DDR2: variants seen among roughly 807,000 people sequenced by gnomAD.
The protein encoded by DDR2 is discoidin domain receptor tyrosine kinase 2.
DDR2 carries 27 observed loss-of-function variants against 94.9 expected under a neutral mutation model. The observed-to-expected ratio is 0.28, with a 90% confidence interval of 0.21 to 0.39. The LOEUF (loss-of-function observed/expected upper bound fraction) is 0.39, where lower values mean the gene tolerates loss of function less well. Ranked by LOEUF, DDR2 falls within the 10% of genes least tolerant of loss-of-function variation. DDR2 has a pLI of 1.00. For synonymous variants in DDR2, 382 were observed against 377.2 expected, an observed-to-expected ratio of 1.01 and a Z score of -0.15; for missense variants, 783 against 1,076.0, an observed-to-expected ratio of 0.73 and a Z score of 3.81.
chr1:162,631,526 C>T (rs2095581580), upstream of DDR2: 1 of 152,198 alleles, frequency 6.6e-6, no homozygotes, highest in Non-Finnish European at 1.5e-5. Context: ...CCTGCTTGCC[C>T]TGCATTCTCC....
chr1:162,666,396 G>A (rs1192098362), intron 2 of DDR2, among the ~76,000 whole-genome samples: 1 of 152,206 alleles, frequency 6.6e-6, no homozygotes, highest in Non-Finnish European at 1.5e-5. Context: ...GAATGAATGA[G>A]CAAATGAAGG....
intron 2 of DDR2, among the ~76,000 whole-genome samples, chr1:162,673,966 T>A (rs925630638): frequency 1.3e-5 from 2 of 152,138 alleles, no homozygotes; most frequent in Admixed American, 1.3e-4. Flanking sequence ...ATCTCTCTAT[T>A]CTCGTCCTTA....
At chr1:162,633,161 A>G (rs1207709461) in intron 1 of DDR2, among the ~76,000 whole-genome samples, 1 of 152,102 alleles carries the variant, frequency 6.6e-6, no homozygotes, top group Non-Finnish European at 1.5e-5. Context: ...TGGGGTGGCT[A>G]GGGGGAGGCT....
At chr1:162,730,638 T>A (rs1173500156) in intron 3 of DDR2, among the ~76,000 whole-genome samples, 1 of 151,922 alleles carries the variant, frequency 6.6e-6, no homozygotes, top group Non-Finnish European at 1.5e-5. Context: ...CAGAGCAGAG[T>A]GTCTTCATTC....
intron 1 of DDR2, among the ~76,000 whole-genome samples, chr1:162,635,361 A>G (rs1198784594): frequency 6.6e-6 from 1 of 152,202 alleles, no homozygotes; most frequent in Admixed American, 6.5e-5. Flanking sequence ...ATGAGCTCTC[A>G]GATATCCTTC....
chr1:162,647,250 C>T (rs1571141188), intron 1 of DDR2, among the ~76,000 whole-genome samples: 1 of 152,160 alleles, frequency 6.6e-6, no homozygotes, highest in Non-Finnish European at 1.5e-5. Context: ...AAATCTTCCC[C>T]TGCGTTTCTA....
intron 3 of DDR2, among the ~76,000 whole-genome samples, chr1:162,720,470 C>T (rs1206461253): frequency 3.9e-5 from 6 of 152,128 alleles, no homozygotes; most frequent in Admixed American, 2.0e-4. Context: ...TGAAATTCAT[C>T]CTACTGTTGC....
Position 162,773,503 on chromosome 1 carries a change from T to C in DDR2, c.1763T>C (p.Phe588Ser). ...TGTGAAGTGGAGGGAATGGAAAAAT[T>C]CAAAGACAAAGATTTTGCCCTAGAT... ...HLCEVEGMEK[F>S]KDKDFALDVS... The change falls in exon 14 of 18, where the codon TTC becomes TCC. Residue 588 changes from phenylalanine (F) to serine (S), a missense_variant. Physicochemically the swap from Phe to Ser is radical, Grantham distance 155. This residue lies in a region of DDR2 where 264 missense variants were observed against 428.2 expected (regional missense o/e 0.62). Coordinates refer to ENST00000367921, the MANE Select transcript of DDR2 (RefSeq NM_006182.4). 6.2e-7 allele frequency: 1 copy of C among 1,613,968 alleles called. No homozygotes were observed. The highest frequency in any genetic ancestry group is 8.5e-7 in the Non-Finnish European group (1 of 1,179,906).
At chr1:162,702,513 G>A (rs1210321360) in intron 2 of DDR2, among the ~76,000 whole-genome samples, 1 of 152,192 alleles carries the variant, frequency 6.6e-6, no homozygotes, top group Non-Finnish European at 1.5e-5. Context: ...TTCATCGAAT[G>A]TCTGTTACTG....
At chr1:162,673,781 T>C (rs1209971151) in intron 2 of DDR2, among the ~76,000 whole-genome samples, 2 of 152,062 alleles carry the variant, frequency 1.3e-5, no homozygotes, top group Non-Finnish European at 2.9e-5. Context: ...AGTTCCAGCA[T>C]TTCCCCCCAT....
At chr1:162,776,448 G>C in intron 16 of DDR2, 78 bp downstream of exon 16, 1 of 1,349,452 alleles carries the variant, frequency 7.4e-7, no homozygotes, top group Non-Finnish European at 1.1e-6. Flanking sequence ...AGACAAACCT[G>C]AGACAGCAGG....
chr1:162,751,542 G>A (rs753413803), intron 3 of DDR2, among the ~76,000 whole-genome samples: 13 of 152,214 alleles, frequency 8.5e-5, no homozygotes, highest in Non-Finnish European at 7.3e-5. Context: ...CTTTTACGCT[G>A]TTGGTGGGAG....
rs1647847206 is a variant in DDR2 at position 162,780,504 on chromosome 1, A to G, written c.*258A>G. On this transcript the variant is annotated 3_prime_UTR_variant, in exon 18 of 18. Transcript: ENST00000367921. ...ACAATCTAGTAAAAGAAAATCTTTG[A>G]TATACCAAAGTGTTGGATAACAAAG... 2.2e-6 allele frequency: 1 copy of G among 452,350 alleles called. No individual in the cohort carries two copies. The highest frequency in any genetic ancestry group is 3.9e-6 in the Non-Finnish European group (1 of 254,636). The allele number at this position is 452,350 out of a possible 1,614,324, so 28.0% of individuals were successfully genotyped here.
At chr1:162,741,518 G>C (rs1484685388) in intron 3 of DDR2, 7 of 896,012 alleles carry the variant, frequency 7.8e-6, no homozygotes, top group Admixed American at 1.2e-4. Context: ...TTATTGCAAG[G>C]GTAAAGCAAA....
At chr1:162,768,479 G>A (rs1488990478) in intron 11 of DDR2, among the ~76,000 whole-genome samples, 1 of 152,190 alleles carries the variant, frequency 6.6e-6, no homozygotes, top group Admixed American at 6.5e-5. Flanking sequence ...TGATTTCTGT[G>A]TTTGGGGGTG....
At chr1:162,771,991 C>T (rs766139033) in intron 12 of DDR2, 33 bp from the exon 13 acceptor site, 29 of 1,564,298 alleles carry the variant, frequency 1.9e-5, no homozygotes, top group Admixed American at 9.5e-5. Flanking sequence ...AGACACTCCA[C>T]GGAATGAGGG....
intron 7 of DDR2, 36 bp from the exon 8 acceptor site, chr1:162,759,760 T>C (rs756202678): frequency 6.2e-7 from 1 of 1,612,526 alleles, no homozygotes; most frequent in East Asian, 2.2e-5. Context: ...CTCAGATTTC[T>C]CTCTCCTTTT....
chr1:162,763,024 A>G lies in DDR2; in HGVS notation c.1099+1570A>G, dbSNP rs1663818892. 2.0e-5 allele frequency among the ~76,000 whole-genome samples: 3 copies of G among 150,704 alleles called. No homozygotes were observed. In the South Asian group the frequency reaches 6.3e-4, roughly 32 times the overall value. On this transcript the variant is annotated intron_variant, in intron 9 of 17. Coordinates refer to ENST00000367921, the MANE Select transcript of DDR2 (RefSeq NM_006182.4). ...GCTAGTTTTTCTATGTTTAGTAGAGATAGGGTTTCGCCATGTTGGCCAGGC... is the reference window on the plus strand; with the variant it reads ...GCTAGTTTTTCTATGTTTAGTAGAGGTAGGGTTTCGCCATGTTGGCCAGGC...
At chr1:162,671,962 A>G (rs964923798) in intron 2 of DDR2, among the ~76,000 whole-genome samples, 2 of 152,120 alleles carry the variant, frequency 1.3e-5, no homozygotes, top group African/African-American at 4.8e-5. Flanking sequence ...GTCACTCTCA[A>G]TGGTCAGACT....
Sources: gnomAD v4.1 joint callset for allele counts (sites outside exome capture counted in the v4.1 genomes callset) on GRCh38, gnomAD v4.1.1 for gene constraint, gnomAD v4.1.1 regional missense constraint, MANE v1.5 for transcripts, NCBI Gene and HGNC (gene_info 2026-07-23, HGNC 2026-07-21) for gene names.